Variants in MPPED2 observed in about 807,000 individuals in gnomAD.
MPPED2 encodes the protein metallophosphoesterase MPPED2.
In MPPED2, 5 loss-of-function variants were observed where a neutral mutation model predicts 33.0. The observed-to-expected ratio is 0.15, with a 90% CI of 0.08 to 0.32. The LOEUF is 0.32. MPPED2 is among the 10% of genes least tolerant of loss of function. MPPED2 has a pLI of 1.00. For missense variants in MPPED2, 275 were observed against 372.1 expected (o/e 0.74, Z 2.15); for synonymous variants, 136 against 141.9 (o/e 0.96, Z 0.29).
At chr11:30,485,145 G>C (rs1337275790) in intron 4 of MPPED2, among the ~76,000 whole-genome samples, 1 of 152,100 alleles carries the variant, frequency 6.6e-6, no homozygotes, top group Non-Finnish European at 1.5e-5. Flanking sequence ...GAACATAAAG[G>C]CTTTGGAAGC....
At position 30,511,326 on chromosome 11, in the gene MPPED2, T is replaced by C. The variant is rs562415885; in HGVS notation, c.311-15805A>G. On this transcript the variant is annotated intron_variant, in intron 3 of 6. Coordinates refer to ENST00000358117, the MANE Select transcript of MPPED2 (RefSeq NM_001584.3). ...AAACAGAACAGGGTCTCTGGCCTTATGGAACTTATATTCAGGTGGGAGCAA... is the reference window on the plus strand; with the variant it reads ...AAACAGAACAGGGTCTCTGGCCTTACGGAACTTATATTCAGGTGGGAGCAA... Among the ~76,000 whole-genome samples the C allele has an allele frequency of 2.6e-5, 4 of 152,278 alleles. No homozygotes were observed. In the South Asian group the frequency reaches 8.3e-4, roughly 32 times the overall value.
chr11:30,403,570 A>G (rs1947943661), intron 6 of MPPED2, among the ~76,000 whole-genome samples: 1 of 152,224 alleles, frequency 6.6e-6, no homozygotes. Flanking sequence ...CCTCATCACA[A>G]TTTATTAATG....
At chr11:30,435,807 T>C (rs188370627) in intron 4 of MPPED2, among the ~76,000 whole-genome samples, 1 of 152,264 alleles carries the variant, frequency 6.6e-6, no homozygotes, top group East Asian at 1.9e-4. Context: ...ATGAAATCAG[T>C]AAGTGGCAGA....
chr11:30,556,770 G>A (rs1955982153), intron 2 of MPPED2, among the ~76,000 whole-genome samples: 1 of 152,068 alleles, frequency 6.6e-6, no homozygotes, highest in Non-Finnish European at 1.5e-5. Context: ...TTCAATAAAT[G>A]GTAGCCATAT....
At chr11:30,564,370 T>A (rs76340187) in intron 2 of MPPED2, among the ~76,000 whole-genome samples, 221 of 152,294 alleles carry the variant, frequency 1.5e-3, no homozygotes, top group Middle Eastern at 3.4e-3. Context: ...ATGAAACACT[T>A]CTATAGAACT....
At chr11:30,504,867 A>T in intron 3 of MPPED2, 1 of 1,169,956 alleles carries the variant, frequency 8.5e-7, no homozygotes, top group African/African-American at 1.6e-5. Flanking sequence ...ACTATATTAC[A>T]ATAATGTCAG....
At chr11:30,552,825 G>C (rs905656582) in intron 2 of MPPED2, among the ~76,000 whole-genome samples, 1 of 152,122 alleles carries the variant, frequency 6.6e-6, no homozygotes, top group East Asian at 1.9e-4. Context: ...GATGGGGCCT[G>C]CCTGTGGTCA....
At chr11:30,554,799 C>A (rs530516924) in intron 2 of MPPED2, among the ~76,000 whole-genome samples, 1 of 152,102 alleles carries the variant, frequency 6.6e-6, no homozygotes, top group African/African-American at 2.4e-5. Context: ...CCAGCCTGCA[C>A]CACATTTTCT....
intron 3 of MPPED2, among the ~76,000 whole-genome samples, chr11:30,523,913 G>A (rs984378862): frequency 6.6e-6 from 1 of 152,146 alleles, no homozygotes; most frequent in Non-Finnish European, 1.5e-5. Context: ...ACAAAAGTTC[G>A]AGGTGGGAAC....
chr11:30,493,320 G>C (rs547548157), intron 4 of MPPED2, among the ~76,000 whole-genome samples: 1 of 149,730 alleles, frequency 6.7e-6, no homozygotes, highest in Non-Finnish European at 1.5e-5. Context: ...GCAGTGAGCG[G>C]AGATCGCGCC....
At chr11:30,387,138 A>T (rs1374856684) in exon 7 of MPPED2, 2 of 181,386 alleles carry the variant, frequency 1.1e-5, no homozygotes, top group African/African-American at 4.7e-5. Flanking sequence ...CATCTAAGCC[A>T]CTCTCTCATT....
At chr11:30,560,324 A>G (rs1365993778) in intron 2 of MPPED2, among the ~76,000 whole-genome samples, 1 of 151,806 alleles carries the variant, frequency 6.6e-6, no homozygotes, top group African/African-American at 2.4e-5. Context: ...AAAAAAAAAA[A>G]TATGTTAACC....
At chr11:30,478,533 T>G (rs1372812156) in intron 4 of MPPED2, among the ~76,000 whole-genome samples, 3 of 151,948 alleles carry the variant, frequency 2.0e-5, no homozygotes, top group Admixed American at 6.6e-5. Flanking sequence ...AAAAATAACA[T>G]GATGATAACA....
intron 4 of MPPED2, among the ~76,000 whole-genome samples, chr11:30,431,500 G>C (rs1190396582): frequency 2.6e-5 from 4 of 152,224 alleles, no homozygotes; most frequent in African/African-American, 9.6e-5. Context: ...GCTCCTAGCA[G>C]AGTGCATGGC....
chr11:30,533,718 C>T (rs1219465241), intron 3 of MPPED2, among the ~76,000 whole-genome samples: 4 of 152,154 alleles, frequency 2.6e-5, no homozygotes, highest in African/African-American at 9.7e-5. Context: ...GGGCTCCCTT[C>T]GATCTCACAT....
intron 4 of MPPED2, among the ~76,000 whole-genome samples, chr11:30,489,935 T>C (rs1429297219): frequency 1.3e-5 from 2 of 151,802 alleles, no homozygotes; most frequent in Non-Finnish European, 2.9e-5. Context: ...GCACAGTATC[T>C]TAGTATCAAA....
At chr11:30,518,209 C>T (rs1177151865) in intron 3 of MPPED2, among the ~76,000 whole-genome samples, 1 of 152,178 alleles carries the variant, frequency 6.6e-6, no homozygotes, top group East Asian at 1.9e-4. Flanking sequence ...CTCTCTGAGA[C>T]ACATACTGTC....
At chr11:30,474,319 CT>C (rs1334272173) in intron 4 of MPPED2, among the ~76,000 whole-genome samples, 1 of 152,188 alleles carries the variant, frequency 6.6e-6, no homozygotes, top group African/African-American at 2.4e-5. Context: ...ATTTTTTCCA[CT>C]AGTGAGGTTC....
intron 4 of MPPED2, chr11:30,451,614 A>G (rs1950067890): frequency 1.2e-6 from 1 of 820,726 alleles, no homozygotes; most frequent in Non-Finnish European, 1.5e-6. Flanking sequence ...CTCTCACTCC[A>G]TGGGAGACGT....
Sources: gnomAD v4.1 joint callset for allele counts (sites outside exome capture counted in the v4.1 genomes callset) on GRCh38, gnomAD v4.1.1 for gene constraint, MANE v1.5 for transcripts, NCBI Gene and HGNC (gene_info 2026-07-23, HGNC 2026-07-21) for gene names.